Variants in PGLYRP2 observed in about 807,000 individuals in gnomAD.
PGLYRP2 encodes N-acetylmuramoyl-L-alanine amidase.
Under a neutral mutation model 46.2 loss-of-function variants are expected in PGLYRP2, and 38 were observed. The ratio of observed to expected loss-of-function variants is 0.82; its 90% CI spans 0.64 to 1.08. PGLYRP2 has a LOEUF of 1.08. Among genes scored for constraint, PGLYRP2 ranks in the 50% least tolerant of loss-of-function variants. The pLI, the probability that PGLYRP2 is intolerant of heterozygous loss-of-function variation, is 0.00. For synonymous variants in PGLYRP2, 289 were observed against 329.4 expected (o/e 0.88, Z 1.33); for missense variants, 713 against 755.9 (o/e 0.94, Z 0.67).
chr19:15,471,740 CT>C (rs1970750955), intron 3 of PGLYRP2, 149 bp downstream of exon 3: 2 of 869,472 alleles, frequency 2.3e-6, no homozygotes, highest in Admixed American at 5.8e-5. Context: ...GCCACGCCAC[CT>C]CTCCAACTTT....
In PGLYRP2 at chr19:15,469,978, G is replaced by A. The variant is rs1246779029; in HGVS notation, c.1344-49C>T. 2 of 1,365,466 alleles carry A rather than the reference G, an allele frequency of 1.5e-6. No homozygotes were observed. Among genetic ancestry groups the A allele is most frequent in the African/African-American group, 1.5e-5 (1 of 66,376 alleles). 84.6% of individuals were successfully genotyped at this position (1,365,466 alleles called of 1,614,324 possible). On this transcript the variant is annotated intron_variant, in intron 3 of 4. Coordinates refer to ENST00000340880, the MANE Select transcript of PGLYRP2 (RefSeq NM_052890.4). The surrounding 1 kb of genome is among the most constrained non-coding windows in gnomAD (Gnocchi z 4.9). ...GCACCATGCGGCGTGAGGGGGACCC[G>A]GGCCCTTATCCGCTCCCCTCCCCGA...
In PGLYRP2 at chr19:15,475,690, G is replaced by A; in HGVS notation, c.980C>T (p.Thr327Ile). 6.2e-7 allele frequency: 1 copy of A among 1,614,186 alleles called. No individual in the cohort carries two copies. The highest frequency in any genetic ancestry group is 8.5e-7 in the Non-Finnish European group (1 of 1,180,020). The change falls in exon 2 of 5, where the codon ACT becomes ATT. Residue 327 changes from threonine to isoleucine, a missense_variant. Physicochemically the swap from Thr to Ile is moderately conservative, Grantham distance 89. Coordinates refer to ENST00000340880, the MANE Select transcript of PGLYRP2 (RefSeq NM_052890.4). ...CTGCTGGGCCAGGATGGAGGCTGAAGTCAGAGCAGCACCGTTCTGCCGTCG... is the reference window on the plus strand; with the variant it reads ...CTGCTGGGCCAGGATGGAGGCTGAAATCAGAGCAGCACCGTTCTGCCGTCG... ...NFRRQNGAALTSASILAQQVW... is the reference protein window; with the variant it reads ...NFRRQNGAALISASILAQQVW...
At position 15,469,199 on chromosome 19, in the gene PGLYRP2, C is replaced by T. The variant is rs767395274; in HGVS notation, c.1641+433G>A. On this transcript the variant is annotated intron_variant, in intron 4 of 4. Transcript: ENST00000340880. This position sits in a 1 kb window ranked among gnomAD's most constrained non-coding sequence, Gnocchi z 4.9. ...TCATGTTGTGTGGACAGAGGGCCTT[C>T]GGGTAGGGGCAGGGGTGAGGTCAAG... is the stretch of plus-strand genomic sequence containing the variant. 10 of 587,510 alleles carry T rather than the reference C, an allele frequency of 1.7e-5. No homozygotes were observed. Among genetic ancestry groups the T allele is most frequent in the Middle Eastern group, 4.3e-4 (1 of 2,314 alleles). 36.4% of individuals were successfully genotyped at this position (587,510 alleles called of 1,614,324 possible).
At position 15,479,440 on chromosome 19, in the gene PGLYRP2, A is replaced by C. The variant is rs780454864; in HGVS notation, c.-69T>G. On this transcript the variant is annotated 5_prime_UTR_variant, in exon 1 of 5. Transcript: ENST00000340880. ...CGGCAGAGAACCTCGGCAGTGCTGG[A>C]GGGAGACAGGCACAGAGAACTGAGC... 8 of 1,459,554 alleles carry C rather than the reference A, an allele frequency of 5.5e-6. No individual in the cohort carries two copies. The highest frequency in any genetic ancestry group is 7.6e-6 in the Non-Finnish European group (8 of 1,053,402). The allele number at this position is 1,459,554 out of a possible 1,614,324, so 90.4% of individuals were successfully genotyped here. A position where few individuals can be genotyped will look rare whatever the true frequency, so the allele number is the denominator to read the frequency against.
At chr19:15,471,456 G>T (rs1427251141) in intron 3 of PGLYRP2, among the ~76,000 whole-genome samples, 1 of 149,342 alleles carries the variant, frequency 6.7e-6, no homozygotes, top group African/African-American at 2.5e-5. Context: ...GGTGTGGGGG[G>T]GTGTCTTCCT....
chr19:15,475,422 C>T, intron 2 of PGLYRP2, 116 bp downstream of exon 2: 1 of 1,050,798 alleles, frequency 9.5e-7, no homozygotes, highest in Non-Finnish European at 1.4e-6. Flanking sequence ...CACCCCCGAC[C>T]AGATCCCTTA....
In PGLYRP2 at chr19:15,469,682, G is replaced by T; in HGVS notation, c.1591C>A (p.Pro531Thr). 6.5e-7 allele frequency: 1 copy of T among 1,537,102 alleles called. No homozygotes were observed. The highest frequency in any genetic ancestry group is 8.7e-7 in the Non-Finnish European group (1 of 1,146,782). Reference protein sequence around the residue: ...GHRQLVRTDCPGDALFDLLRT... With the variant: ...GHRQLVRTDCTGDALFDLLRT... ...AGCAGGTCGAAGAGCGCGTCGCCGG[G>T]GCAGTCGGTGCGCACCAGCTGGCGG... The change falls in exon 4 of 5, where the codon CCC becomes ACC. Residue 531 changes from proline (P) to threonine (T), a missense_variant. Physicochemically the swap from Pro to Thr is conservative, Grantham distance 38. Coordinates refer to ENST00000340880, the MANE Select transcript of PGLYRP2 (RefSeq NM_052890.4). This position sits in a 1 kb window ranked among gnomAD's most constrained non-coding sequence, Gnocchi z 4.9.
At position 15,469,235 on chromosome 19, in the gene PGLYRP2, C is replaced by T; in HGVS notation, c.1641+397G>A. ...AGGGGTGAGGTCAAGGTTCGGCGGGCCAGGATGAGGTGGTGCAGCCTGACA... is the reference window on the plus strand; with the variant it reads ...AGGGGTGAGGTCAAGGTTCGGCGGGTCAGGATGAGGTGGTGCAGCCTGACA... On this transcript the variant is annotated intron_variant, in intron 4 of 4. Transcript: ENST00000340880. The surrounding 1 kb of genome is among the most constrained non-coding windows in gnomAD (Gnocchi z 4.9). The T allele has an allele frequency of 1.7e-6, 1 of 596,354 alleles. No homozygotes were observed. Among genetic ancestry groups the T allele is most frequent in the Non-Finnish European group, 3.0e-6 (1 of 333,812 alleles). 36.9% of individuals were successfully genotyped at this position (596,354 alleles called of 1,614,324 possible). A position where few individuals can be genotyped will look rare whatever the true frequency, so the allele number is the denominator to read the frequency against.
In PGLYRP2 at chr19:15,471,957, C is replaced by A. The variant is rs781011104; in HGVS notation, c.1276G>T (p.Ala426Ser). ...CGCTGCATGGAGCGCATGTTGGCTG[C>A]GCAGCGCGTGAAGTCCGTGCAGGGT... ...APPCTDFTRC[A>S]ANMRSMQRYH... Residue 426 changes from alanine (A) to serine (S), a missense_variant, in exon 3 of 5, where the codon GCA becomes TCA. Ala to Ser is a moderately conservative substitution (Grantham distance 99). Transcript: ENST00000340880. 2.5e-6 allele frequency: 4 copies of A among 1,613,970 alleles called. No homozygotes were observed. In the African/African-American group the frequency reaches 5.3e-5, roughly 22 times the overall value.
intron 1 of PGLYRP2, 55 bp downstream of exon 1, chr19:15,479,256 T>C (rs535072008): frequency 1.3e-6 from 2 of 1,577,306 alleles, no homozygotes; most frequent in East Asian, 4.5e-5. Context: ...GGGACAGCAG[T>C]ACGCCTTCTG....
Position 15,469,839 on chromosome 19 carries a change from G to A in PGLYRP2, c.1434C>T (p.Phe478=), listed in dbSNP as rs889638027. ...AHTLGHNSRG[F]GVAIVGNYTA... Reference sequence around the variant, plus strand: ...TGTAGTTGCCCACTATGGCCACGCCGAAGCCCCGGGAGTTGTGGCCGAGCG... The same window carrying A: ...TGTAGTTGCCCACTATGGCCACGCCAAAGCCCCGGGAGTTGTGGCCGAGCG... The change falls in exon 4 of 5, where the codon TTC becomes TTT. Residue 478 remains phenylalanine (F), a synonymous_variant. Transcript: ENST00000340880. The surrounding 1 kb of genome is among the most constrained non-coding windows in gnomAD (Gnocchi z 4.9). The A allele has an allele frequency of 4.6e-6, 7 of 1,530,578 alleles. No homozygotes were observed. Among genetic ancestry groups the A allele is most frequent in the Non-Finnish European group, 6.1e-6 (7 of 1,150,012 alleles). The allele number at this position is 1,530,578 out of a possible 1,614,324, so 94.8% of individuals were successfully genotyped here. A position where few individuals can be genotyped will look rare whatever the true frequency, so the allele number is the denominator to read the frequency against.
chr19:15,476,342 C>A lies in PGLYRP2; in HGVS notation c.328G>T (p.Val110Leu). ...HDVREGKEYG[V>L]VLAPDGSTVA... The stretch of plus-strand genomic sequence containing the variant: ...GTCGAGCCATCAGGTGCCAGCACCA[C>A]CCCATATTCCTTCCCTTCTCGTACG... Residue 110 changes from valine (V) to leucine (L), a missense_variant, in exon 2 of 5, where the codon GTG becomes TTG. Coordinates refer to ENST00000340880, the MANE Select transcript of PGLYRP2 (RefSeq NM_052890.4). 6.2e-7 allele frequency: 1 copy of A among 1,614,188 alleles called. No homozygotes were observed. Among genetic ancestry groups the A allele is most frequent in the African/African-American group, 1.3e-5 (1 of 75,060 alleles).
chr19:15,471,939 T>G lies in PGLYRP2; in HGVS notation c.1294A>C (p.Met432Leu). 3.1e-6 allele frequency: 5 copies of G among 1,614,072 alleles called. No homozygotes were observed. Among genetic ancestry groups the G allele is most frequent in the Non-Finnish European group, 4.2e-6 (5 of 1,179,960 alleles). Residue 432 changes from methionine (M) to leucine (L), a missense_variant, in exon 3 of 5, where the codon ATG (methionine) becomes CTG (leucine). Transcript: ENST00000340880. ...FTRCAANMRS[M>L]QRYHQDTQGW... is the part of the protein sequence containing the mutation. ...TGCGTGTCCTGGTGGTAGCGCTGCA[T>G]GGAGCGCATGTTGGCTGCGCAGCGC...
In PGLYRP2 at chr19:15,469,452, G is replaced by T; in HGVS notation, c.1641+180C>A. ...CAGAAGTCACAGGATCAGGGATGTT[G>T]CCCGCAGAGTGACCCGCAAAGGCTG... On this transcript the variant is annotated intron_variant, in intron 4 of 4. Coordinates refer to ENST00000340880, the MANE Select transcript of PGLYRP2 (RefSeq NM_052890.4). This position sits in a 1 kb window ranked among gnomAD's most constrained non-coding sequence, Gnocchi z 4.9. 2 of 868,164 alleles carry T rather than the reference G, an allele frequency of 2.3e-6. No individual in the cohort carries two copies. Among genetic ancestry groups the T allele is most frequent in the Non-Finnish European group, 3.7e-6 (2 of 535,292 alleles). 53.8% of individuals were successfully genotyped at this position (868,164 alleles called of 1,614,324 possible). A position where few individuals can be genotyped will look rare whatever the true frequency, so the allele number is the denominator to read the frequency against.
rs1186716319 is a variant in PGLYRP2 at position 15,469,496 on chromosome 19, A to G, written c.1641+136T>C. The G allele has an allele frequency of 1.4e-5, 17 of 1,239,950 alleles. No homozygotes were observed. In the Admixed American group the frequency reaches 3.4e-4, roughly 25 times the overall value. The allele number at this position is 1,239,950 out of a possible 1,614,324, so 76.8% of individuals were successfully genotyped here. On this transcript the variant is annotated intron_variant, in intron 4 of 4. Transcript: ENST00000340880. The surrounding 1 kb of genome is among the most constrained non-coding windows in gnomAD (Gnocchi z 4.9). ...AAGGCTGGGCCTAGGTTTCCTGAAT[A>G]GACGTGCCGCCGGGAAGTTGGGGGC...
Position 15,469,451 on chromosome 19 carries a change from T to G in PGLYRP2, c.1641+181A>C. 1 of 865,304 alleles carries G rather than the reference T, an allele frequency of 1.2e-6. No individual in the cohort carries two copies. Among genetic ancestry groups the G allele is most frequent in the Non-Finnish European group, 1.9e-6 (1 of 532,718 alleles). The allele number at this position is 865,304 out of a possible 1,614,324, so 53.6% of individuals were successfully genotyped here. A position where few individuals can be genotyped will look rare whatever the true frequency, so the allele number is the denominator to read the frequency against. ...GCAGAAGTCACAGGATCAGGGATGTTGCCCGCAGAGTGACCCGCAAAGGCT... is the reference window on the plus strand; with the variant it reads ...GCAGAAGTCACAGGATCAGGGATGTGGCCCGCAGAGTGACCCGCAAAGGCT... On this transcript the variant is annotated intron_variant, in intron 4 of 4. Transcript: ENST00000340880. This position sits in a 1 kb window ranked among gnomAD's most constrained non-coding sequence, Gnocchi z 4.9.
chr19:15,475,440 C>T (rs1285039272), intron 2 of PGLYRP2, 98 bp downstream of exon 2: 5 of 1,235,732 alleles, frequency 4.0e-6, no homozygotes, highest in Non-Finnish European at 5.7e-6. Flanking sequence ...TTATTGCCCC[C>T]TCTGGACTCT....
chr19:15,477,762 G>C (rs138521797), intron 1 of PGLYRP2, among the ~76,000 whole-genome samples: 2 of 77,696 alleles, frequency 2.6e-5, no homozygotes, highest in African/African-American at 8.4e-5. Flanking sequence ...TAGCCTGGGA[G>C]GCAGGGGGAA....
At position 15,469,717 on chromosome 19, in the gene PGLYRP2, A is replaced by G. The variant is rs763687118; in HGVS notation, c.1556T>C (p.Leu519Pro). 2.0e-6 allele frequency: 3 copies of G among 1,505,174 alleles called. No individual in the cohort carries two copies. The highest frequency in any genetic ancestry group is 2.4e-5 in the East Asian group (1 of 41,726). The allele number at this position is 1,505,174 out of a possible 1,614,324, so 93.2% of individuals were successfully genotyped here. A position where few individuals can be genotyped will look rare whatever the true frequency, so the allele number is the denominator to read the frequency against. Residue 519 changes from leucine (L) to proline (P), a missense_variant, in exon 4 of 5, where the codon CTG (leucine) becomes CCG (proline). Transcript: ENST00000340880. The surrounding 1 kb of genome is among the most constrained non-coding windows in gnomAD (Gnocchi z 4.9). ...GCGCACCAGCTGGCGGTGGCCCAGC[A>G]GCGCGTAGTCTGGCCGCAGGAGGCC... Reference protein sequence around the residue: ...RAGLLRPDYALLGHRQLVRTD... With the variant: ...RAGLLRPDYAPLGHRQLVRTD...
Sources: gnomAD v4.1 joint callset for allele counts (sites outside exome capture counted in the v4.1 genomes callset) on GRCh38, gnomAD v4.1.1 for gene constraint, Gnocchi (gnomAD v3.1) non-coding constraint, MANE v1.5 for transcripts, NCBI Gene and HGNC (gene_info 2026-07-23, HGNC 2026-07-21) for gene names.